Variants in ANKRD13C observed in about 807,000 individuals in gnomAD.
ANKRD13C encodes ankyrin repeat domain 13C.
In ANKRD13C, 16 loss-of-function variants were observed where a neutral mutation model predicts 65.5. The observed-to-expected ratio is 0.24, with a 90% confidence interval of 0.17 to 0.37. ANKRD13C has a LOEUF of 0.37. ANKRD13C is among the 10% of genes least tolerant of loss of function. ANKRD13C has a pLI of 1.00. For synonymous variants in ANKRD13C, 235 were observed against 238.7 expected (o/e 0.98, Z 0.14); for missense variants, 503 against 655.9 (o/e 0.77, Z 2.55).
At chr1:70,275,031 AT>A (rs1679067380) in intron 10 of ANKRD13C, among the ~76,000 whole-genome samples, 5 of 152,360 alleles carry the variant, frequency 3.3e-5, no homozygotes, top group African/African-American at 1.2e-4. Flanking sequence ...AAGTTCAGAA[AT>A]TATTAGATCT....
rs115958680 is a variant in ANKRD13C, at chr1:70,312,231, A to G, written c.709+1514T>C. Reference sequence around the variant, plus strand: ...TTTCTTACTGACGAGTTGAAGCTGAATTTGCAAACCCAAGTGTATTGTGAG... The same window carrying G: ...TTTCTTACTGACGAGTTGAAGCTGAGTTTGCAAACCCAAGTGTATTGTGAG... On this transcript the variant is annotated intron_variant, in intron 5 of 12. Coordinates refer to ENST00000370944, the MANE Select transcript of ANKRD13C (RefSeq NM_030816.5). Among the ~76,000 whole-genome samples the G allele has an allele frequency of 4.3e-4, 65 of 152,352 alleles. 1 individual carries two copies. The highest frequency in any genetic ancestry group is 1.5e-3 in the African/African-American group (64 of 41,584).
At chr1:70,338,655 C>T (rs1421211154) in intron 1 of ANKRD13C, among the ~76,000 whole-genome samples, 2 of 152,170 alleles carry the variant, frequency 1.3e-5, no homozygotes, top group Non-Finnish European at 2.9e-5. Flanking sequence ...CCGCCTTGGC[C>T]TCCCAAAGTG....
chr1:70,281,434 G>T (rs1182189277), intron 9 of ANKRD13C, among the ~76,000 whole-genome samples: 4 of 117,872 alleles, frequency 3.4e-5, no homozygotes, highest in African/African-American at 1.3e-4. Flanking sequence ...ACAGGGTCTT[G>T]CTCTGTCACC....
chr1:70,332,686 A>C (rs1259575175), intron 2 of ANKRD13C, among the ~76,000 whole-genome samples: 3 of 152,066 alleles, frequency 2.0e-5, no homozygotes, highest in Non-Finnish European at 4.4e-5. Flanking sequence ...GGCTGGTCTC[A>C]AACTCCTGGC....
chr1:70,341,266 C>T (rs1244631255), intron 1 of ANKRD13C, among the ~76,000 whole-genome samples: 1 of 151,738 alleles, frequency 6.6e-6, no homozygotes, highest in Non-Finnish European at 1.5e-5. Flanking sequence ...TTTTATCCTA[C>T]AGTAAGACAA....
intron 7 of ANKRD13C, 58 bp downstream of exon 7, chr1:70,300,706 A>G: frequency 6.9e-7 from 1 of 1,452,824 alleles, no homozygotes; most frequent in Non-Finnish European, 9.1e-7. Flanking sequence ...GGTTTTGCTA[A>G]AAACCTATAC....
chr1:70,320,332 CTT>C (rs924019944), intron 3 of ANKRD13C, among the ~76,000 whole-genome samples: 2 of 147,394 alleles, frequency 1.4e-5, no homozygotes, highest in East Asian at 3.9e-4. Context: ...CAGTGGTTGT[CTT>C]TTTTTTTTTC....
chr1:70,262,949 A>AAAAG lies in ANKRD13C; in HGVS notation c.1496-103_1496-102insCTTT, dbSNP rs909449273. 5.2e-5 allele frequency: 47 copies of AAAAG among 910,612 alleles called. 4 individuals are homozygous for AAAAG. In the East Asian group the frequency reaches 1.6e-3, roughly 31 times the overall value. The allele number at this position is 910,612 out of a possible 1,614,324, so 56.4% of individuals were successfully genotyped here. A position where few individuals can be genotyped will look rare whatever the true frequency, so the allele number is the denominator to read the frequency against. ...GTCCATACTCCTTAAAATGTAAAAA[A>AAAAG]AAAAAAAAAAATACTCAAGAACCAG... On this transcript the variant is annotated intron_variant, in intron 12 of 12. Transcript: ENST00000370944.
intron 9 of ANKRD13C, among the ~76,000 whole-genome samples, chr1:70,279,984 T>C (rs2101167087): frequency 6.6e-6 from 1 of 152,302 alleles, no homozygotes; most frequent in Admixed American, 6.5e-5. Flanking sequence ...AAAAGACTGT[T>C]TCAATATCAC....
At chr1:70,289,024 A>T (rs1422588334) in intron 9 of ANKRD13C, among the ~76,000 whole-genome samples, 2 of 152,224 alleles carry the variant, frequency 1.3e-5, no homozygotes, top group Non-Finnish European at 2.9e-5. Flanking sequence ...CTACAGATTC[A>T]ACATTATCCC....
At chr1:70,275,581 T>C (rs1212073015) in intron 10 of ANKRD13C, among the ~76,000 whole-genome samples, 2 of 151,950 alleles carry the variant, frequency 1.3e-5, no homozygotes, top group Non-Finnish European at 2.9e-5. Flanking sequence ...AGTAACTACA[T>C]TCTGGTTTGG....
At chr1:70,327,419 T>C (rs1017379688) in intron 2 of ANKRD13C, among the ~76,000 whole-genome samples, 1 of 152,158 alleles carries the variant, frequency 6.6e-6, no homozygotes, top group Admixed American at 6.5e-5. Flanking sequence ...AAGGACATTC[T>C]ACAAGTTAAC....
At chr1:70,272,582 A>G (rs181032164) in intron 11 of ANKRD13C, among the ~76,000 whole-genome samples, 7 of 151,656 alleles carry the variant, frequency 4.6e-5, no homozygotes, top group African/African-American at 1.5e-4. Flanking sequence ...AAATTCTAAG[A>G]TATTCTTTTT....
intron 8 of ANKRD13C, among the ~76,000 whole-genome samples, chr1:70,295,518 T>C (rs1680044988): frequency 6.6e-6 from 1 of 152,122 alleles, no homozygotes; most frequent in South Asian, 2.1e-4. Flanking sequence ...AGTGCTGGGA[T>C]TACATGCATA....
rs1679121199 is a variant in ANKRD13C, at chr1:70,276,045, TA to T, written c.1295+719del. ...CAGAAAAATATAACAAAACTTTCAA[TA>T]AGAAAAAAAAATGACAACTTCTTCC... On this transcript the variant is annotated intron_variant, in intron 10 of 12. Transcript: ENST00000370944. Among the ~76,000 whole-genome samples the T allele has an allele frequency of 2.7e-5, 4 of 147,044 alleles. No homozygotes were observed. The South Asian group carries it at 8.6e-4, about 31-fold the overall frequency.
At chr1:70,337,065 C>G (rs1288151765) in intron 1 of ANKRD13C, among the ~76,000 whole-genome samples, 1 of 151,574 alleles carries the variant, frequency 6.6e-6, no homozygotes, top group Non-Finnish European at 1.5e-5. Flanking sequence ...AAAACATTAT[C>G]AAGGGATCAC....
At chr1:70,332,365 C>G (rs1203526628) in intron 2 of ANKRD13C, among the ~76,000 whole-genome samples, 1 of 152,214 alleles carries the variant, frequency 6.6e-6, no homozygotes, top group Non-Finnish European at 1.5e-5. Context: ...TCTGGAAACT[C>G]TATTTTCTTC....
chr1:70,287,556 T>C (rs1005757824), intron 9 of ANKRD13C, among the ~76,000 whole-genome samples: 2 of 152,128 alleles, frequency 1.3e-5, no homozygotes, highest in Non-Finnish European at 2.9e-5. Context: ...AGATTTGGCA[T>C]GTGACATAAG....
At chr1:70,296,868 T>C (rs569191723) in intron 7 of ANKRD13C, among the ~76,000 whole-genome samples, 2 of 152,324 alleles carry the variant, frequency 1.3e-5, no homozygotes, top group Admixed American at 1.3e-4. Flanking sequence ...TCCATAAATA[T>C]CAACCGTAAT....
Sources: allele counts gnomAD v4.1 joint callset (sites outside exome capture counted in the v4.1 genomes callset), GRCh38; gene constraint gnomAD v4.1.1; transcripts MANE v1.5; gene names NCBI Gene and HGNC (gene_info 2026-07-23, HGNC 2026-07-21).